Variants in ING5 observed in about 807,000 individuals in gnomAD.
ING5 encodes inhibitor of growth family member 5, also known as inhibitor of growth protein 5.
Under a neutral mutation model 37.4 loss-of-function variants are expected in ING5, and 17 were observed. That is an observed-to-expected ratio of 0.45 (90% CI 0.31 to 0.68). ING5 has a LOEUF of 0.68. Among genes scored for constraint, ING5 ranks in the 30% least tolerant of loss-of-function variants. The pLI is 0.05. For synonymous variants in ING5, 123 were observed against 116.6 expected (o/e 1.06, Z -0.36); for missense variants, 233 against 311.9 (o/e 0.75, Z 1.91).
upstream of ING5, among the ~76,000 whole-genome samples, chr2:241,698,082 CAA>C (rs138451940): frequency 3.3e-4 from 28 of 84,568 alleles, no homozygotes; most frequent in Admixed American, 4.9e-4. Context: ...GGCTCCATCT[CAA>C]AAAAAAAAAA....
intron 1 of ING5, 110 bp downstream of exon 1, chr2:241,702,212 C>A: frequency 3.0e-6 from 1 of 331,248 alleles, no homozygotes; most frequent in Non-Finnish European, 4.2e-6. Flanking sequence ...GGGAGGGCGG[C>A]GGGCGCGGCC....
At position 241,702,199 on chromosome 2, in the gene ING5, C is replaced by T. The variant is rs553456153; in HGVS notation, c.37+97C>T. The T allele has an allele frequency of 8.9e-5, 52 of 584,318 alleles. No homozygotes were observed. In the South Asian group the frequency reaches 2.1e-3, roughly 24 times the overall value. The allele number at this position is 584,318 out of a possible 1,614,324, so 36.2% of individuals were successfully genotyped here. On this transcript the variant is annotated intron_variant, in intron 1 of 7. Transcript: ENST00000313552. ...GGGCACCGCATGCAGACCCCGTGGG[C>T]TCGGGAGGGCGGCGGGCGCGGCCGG...
chr2:241,724,160 G>A, intron 7 of ING5: 1 of 806,592 alleles, frequency 1.2e-6, no homozygotes, highest in Non-Finnish European at 1.6e-6. Context: ...AACTCCGGCA[G>A]ACTCGCCCGA....
Position 241,727,566 on chromosome 2 carries a change from C to T in ING5, c.*2535C>T, listed in dbSNP as rs555747890. Reference sequence around the variant, plus strand: ...CTGACCTGAAGTGATCCACCCGCCTCGACCTCCCAAAGTGCTGGGATGACA... The same window carrying T: ...CTGACCTGAAGTGATCCACCCGCCTTGACCTCCCAAAGTGCTGGGATGACA... On this transcript the variant is annotated 3_prime_UTR_variant, in exon 8 of 8. Coordinates refer to ENST00000313552, the MANE Select transcript of ING5 (RefSeq NM_032329.6). 19 of 152,332 alleles carry T rather than the reference C, an allele frequency of 1.2e-4. No homozygotes were observed. The East Asian group carries it at 2.5e-3, about 20-fold the overall frequency. 9.4% of individuals were successfully genotyped at this position (152,332 alleles called of 1,614,324 possible).
chr2:241,711,585 G>A (rs1559306532), intron 4 of ING5, 97 bp downstream of exon 4: 3 of 910,984 alleles, frequency 3.3e-6, no homozygotes, highest in Non-Finnish European at 5.0e-6. Context: ...GATCACTAGG[G>A]TAAGTATCAT....
intron 5 of ING5, among the ~76,000 whole-genome samples, chr2:241,714,536 A>T (rs1459898619): frequency 6.6e-6 from 1 of 150,966 alleles, no homozygotes; most frequent in Non-Finnish European, 1.5e-5. Context: ...TGTGTCTGTT[A>T]TGATGACCCC....
At chr2:241,708,036 C>T (rs143768610) in intron 2 of ING5, among the ~76,000 whole-genome samples, 5,839 of 150,076 alleles carry the variant, frequency 0.039, 453 homozygotes, top group East Asian at 0.3. Flanking sequence ...TAGCTGGGAC[C>T]ATAGGCACGT....
chr2:241,690,604 AGGAGCAATG>A (rs1488638101), exon 2 of ING5: 1 of 398,568 alleles, frequency 2.5e-6, no homozygotes, highest in African/African-American at 2.1e-5. Flanking sequence ...CTGTCTGTCC[AGGAGCAATG>A]GGAGCAAGAG....
At position 241,722,273 on chromosome 2, in the gene ING5, T is replaced by C. The variant is rs900773757; in HGVS notation, c.483-666T>C. 6.1e-6 allele frequency: 6 copies of C among 985,286 alleles called. No individual in the cohort carries two copies. In the African/African-American group the frequency reaches 1.0e-4, roughly 17 times the overall value. 61.0% of individuals were successfully genotyped at this position (985,286 alleles called of 1,614,324 possible). ...CTGGCAGAGGTGACGTGTGCTTGTTTCCAAAGGGGCCGGGGTCTTTGGAGG... is the reference window on the plus strand; with the variant it reads ...CTGGCAGAGGTGACGTGTGCTTGTTCCCAAAGGGGCCGGGGTCTTTGGAGG... On this transcript the variant is annotated intron_variant, in intron 5 of 7. Coordinates refer to ENST00000313552, the MANE Select transcript of ING5 (RefSeq NM_032329.6).
chr2:241,689,786 C>T (rs989939446), intron 1 of ING5: 4 of 152,146 alleles, frequency 2.6e-5, no homozygotes, highest in Admixed American at 6.6e-5. Flanking sequence ...AAAGTAATAT[C>T]CTTTTTTCTG....
intron 2 of ING5, among the ~76,000 whole-genome samples, chr2:241,692,935 G>C (rs1473787992): frequency 6.6e-6 from 1 of 152,000 alleles, no homozygotes; most frequent in African/African-American, 2.4e-5. Context: ...GAAAACTGTT[G>C]GTCCTATCAC....
intron 2 of ING5, among the ~76,000 whole-genome samples, chr2:241,696,795 T>C (rs926908527): frequency 1.3e-5 from 2 of 150,788 alleles, no homozygotes; most frequent in African/African-American, 4.9e-5. Flanking sequence ...AAAATAATAA[T>C]AACCAAGGCT....
At chr2:241,696,825 T>C (rs1228710560) in intron 2 of ING5, among the ~76,000 whole-genome samples, 1 of 152,062 alleles carries the variant, frequency 6.6e-6, no homozygotes, top group African/African-American at 2.4e-5. Context: ...GGCTTATGCC[T>C]CTCATCCCAG....
chr2:241,702,422 C>T (rs2069769239), intron 1 of ING5, among the ~76,000 whole-genome samples: 2 of 151,808 alleles, frequency 1.3e-5, no homozygotes, highest in African/African-American at 2.4e-5. Flanking sequence ...ACCCAGGCCC[C>T]GCCTCATCTC....
At position 241,726,800 on chromosome 2, in the gene ING5, A is replaced by T. The variant is rs1484435859; in HGVS notation, c.*1769A>T. 1 of 151,992 alleles carries T rather than the reference A, an allele frequency of 6.6e-6. No homozygotes were observed. Among genetic ancestry groups the T allele is most frequent in the Admixed American group, 6.6e-5 (1 of 15,248 alleles). 9.4% of individuals were successfully genotyped at this position (151,992 alleles called of 1,614,324 possible). ...TGGAGATGGGTGGGTTTTGTATGTT[A>T]ATTTTTTTTTTTGAGACGGAGTCTT... On this transcript the variant is annotated 3_prime_UTR_variant, in exon 8 of 8. Transcript: ENST00000313552.
In ING5 at chr2:241,718,356, C is replaced by T. The variant is rs1179182640; in HGVS notation, c.483-4583C>T. On this transcript the variant is annotated intron_variant, in intron 5 of 7. Coordinates refer to ENST00000313552, the MANE Select transcript of ING5 (RefSeq NM_032329.6). ...CCCTCCCTCACTTCCTTCCTCCTTC[C>T]CTCCCTCCCTCCCTTCCTCCCTCCC... Among the ~76,000 whole-genome samples the T allele has an allele frequency of 4.9e-5, 7 of 144,300 alleles. No homozygotes were observed. In the Admixed American group the frequency reaches 4.9e-4, roughly 10 times the overall value. 94.7% of individuals were successfully genotyped at this position (144,300 alleles called of 152,430 possible).
intron 5 of ING5, chr2:241,722,535 TG>T (rs2070458340): frequency 1.0e-6 from 1 of 985,316 alleles, no homozygotes; most frequent in African/African-American, 1.7e-5. Flanking sequence ...CCTGGATTTT[TG>T]TGGGTAACTG....
intron 5 of ING5, among the ~76,000 whole-genome samples, chr2:241,713,416 G>T (rs1269992662): frequency 4.9e-5 from 7 of 143,486 alleles, no homozygotes; most frequent in African/African-American, 1.6e-4. Context: ...TGTCCCTCAG[G>T]CTGGAGTGTG....
At chr2:241,719,719 T>G in intron 5 of ING5, 1 of 1,483,272 alleles carries the variant, frequency 6.7e-7, no homozygotes, top group African/African-American at 1.4e-5. Context: ...TCTGCCCAGC[T>G]TCAGAGACCT....
Sources: gnomAD v4.1 joint callset for allele counts (sites outside exome capture counted in the v4.1 genomes callset) on GRCh38, gnomAD v4.1.1 for gene constraint, MANE v1.5 for transcripts, NCBI Gene and HGNC (gene_info 2026-07-23, HGNC 2026-07-21) for gene names.